The following SUGCT variants were observed in gnomAD, a reference collection of about 807,000 sequenced individuals.
SUGCT encodes the protein succinyl-CoA:glutarate-CoA transferase.
SUGCT carries 41 observed loss-of-function variants against 55.0 expected under a neutral mutation model. That is an observed-to-expected ratio of 0.74 (90% CI 0.58 to 0.97). SUGCT has a LOEUF of 0.97. Ranked by LOEUF, SUGCT falls within the 50% of genes least tolerant of loss-of-function variation. The pLI, the probability that SUGCT is intolerant of heterozygous loss-of-function variation, is 0.00. For missense variants in SUGCT, 568 were observed against 547.8 expected (o/e 1.04, Z -0.37); for synonymous variants, 187 against 200.4 (o/e 0.93, Z 0.56).
intron 1 of SUGCT, among the ~76,000 whole-genome samples, chr7:40,169,431 C>A (rs996079974): frequency 6.6e-6 from 1 of 152,142 alleles, no homozygotes; most frequent in Admixed American, 6.5e-5. Context: ...TCAAGCATAC[C>A]TGGGGCTCTG....
chr7:40,304,224 A>G (rs1357002135), intron 8 of SUGCT, among the ~76,000 whole-genome samples: 1 of 152,090 alleles, frequency 6.6e-6, no homozygotes, highest in Non-Finnish European at 1.5e-5. Flanking sequence ...ACTCCTATGG[A>G]AGGAACAGCC....
chr7:40,313,399 A>AT (rs1442366896), intron 8 of SUGCT, among the ~76,000 whole-genome samples: 8 of 152,266 alleles, frequency 5.3e-5, no homozygotes, highest in East Asian at 1.9e-4. Flanking sequence ...GAAACCTCTG[A>AT]TTTTTTTCAT....
chr7:40,731,782 ATAATAT>A (rs1786900867), intron 12 of SUGCT, among the ~76,000 whole-genome samples: 1 of 152,236 alleles, frequency 6.6e-6, no homozygotes, highest in Admixed American at 6.5e-5. Context: ...GATGAAAACA[ATAATAT>A]TTCTTTATGA....
chr7:40,354,998 G>A (rs1009402169), intron 9 of SUGCT, among the ~76,000 whole-genome samples: 2 of 151,706 alleles, frequency 1.3e-5, no homozygotes, highest in African/African-American at 2.4e-5. Flanking sequence ...CCTTTACCTC[G>A]TATTGGGAAA....
intron 3 of SUGCT, among the ~76,000 whole-genome samples, chr7:40,183,707 G>A (rs1482795977): frequency 6.6e-6 from 1 of 152,168 alleles, no homozygotes; most frequent in Non-Finnish European, 1.5e-5. Context: ...AAACGCCTAA[G>A]CTTAGATCAG....
rs1297213896 is a variant in SUGCT, at chr7:40,812,669, C to T, written c.1154-47647C>T. Reference sequence around the variant, plus strand: ...TGATCTTGTTTATCCTTTCAAAGAACCAACTTTGGATTTTACTAATTCTTT... The same window carrying T: ...TGATCTTGTTTATCCTTTCAAAGAATCAACTTTGGATTTTACTAATTCTTT... On this transcript the variant is annotated intron_variant, in intron 13 of 13. Transcript: ENST00000335693. Among the ~76,000 whole-genome samples, 3 of 152,006 alleles carry T rather than the reference C, an allele frequency of 2.0e-5. No individual in the cohort carries two copies. The East Asian group carries it at 5.8e-4, about 29-fold the overall frequency.
chr7:40,195,111 T>C (rs1786169810), intron 6 of SUGCT, 51 bp downstream of exon 6: 3 of 1,531,584 alleles, frequency 2.0e-6, no homozygotes, highest in African/African-American at 2.8e-5. Context: ...AGTTTCTGTG[T>C]TTTCTTATTG....
intron 12 of SUGCT, among the ~76,000 whole-genome samples, chr7:40,710,761 G>A (rs1429439806): frequency 1.3e-5 from 2 of 152,026 alleles, no homozygotes; most frequent in African/African-American, 4.8e-5. Context: ...TCAACCCCAG[G>A]GCTCATCAGA....
chr7:40,632,240 T>C (rs898087760), intron 12 of SUGCT, among the ~76,000 whole-genome samples: 9 of 152,200 alleles, frequency 5.9e-5, no homozygotes, highest in Non-Finnish European at 1.0e-4. Flanking sequence ...AGCATCATTC[T>C]GAAGCCTTGA....
chr7:40,854,998 A>G (rs1341674528), intron 13 of SUGCT, among the ~76,000 whole-genome samples: 1 of 149,746 alleles, frequency 6.7e-6, no homozygotes, highest in Non-Finnish European at 1.5e-5. Context: ...ACTAGTGAGG[A>G]GTTTGGTGCA....
At chr7:40,339,532 G>C (rs1345925198) in intron 9 of SUGCT, among the ~76,000 whole-genome samples, 1 of 152,174 alleles carries the variant, frequency 6.6e-6, no homozygotes, top group Non-Finnish European at 1.5e-5. Context: ...CATGGGCGTG[G>C]GACCCTCTGA....
At chr7:40,349,263 G>A (rs531106958) in intron 9 of SUGCT, among the ~76,000 whole-genome samples, 6 of 152,136 alleles carry the variant, frequency 3.9e-5, no homozygotes, top group Non-Finnish European at 5.9e-5. Flanking sequence ...GAGTGTGCAG[G>A]CTCATCAGGG....
At chr7:40,847,367 G>A (rs1283901263) in intron 13 of SUGCT, among the ~76,000 whole-genome samples, 1 of 151,208 alleles carries the variant, frequency 6.6e-6, no homozygotes, top group African/African-American at 2.4e-5. Flanking sequence ...CAACAATTGA[G>A]GGTTCTGTCC....
chr7:40,823,837 C>T (rs1171915895), intron 13 of SUGCT, among the ~76,000 whole-genome samples: 1 of 152,172 alleles, frequency 6.6e-6, no homozygotes, highest in African/African-American at 2.4e-5. Flanking sequence ...CCTGGCATCA[C>T]TCCTAGTCCC....
At chr7:40,729,541 T>G (rs1364375365) in intron 12 of SUGCT, among the ~76,000 whole-genome samples, 1 of 152,170 alleles carries the variant, frequency 6.6e-6, no homozygotes, top group Non-Finnish European at 1.5e-5. Context: ...ATATTAAAAA[T>G]CAAGGAGATT....
At chr7:40,746,424 A>T (rs989334702) in intron 12 of SUGCT, among the ~76,000 whole-genome samples, 1 of 152,204 alleles carries the variant, frequency 6.6e-6, no homozygotes, top group Non-Finnish European at 1.5e-5. Flanking sequence ...GCAACCAAGC[A>T]GGGGAATACA....
chr7:40,546,410 A>G (rs999813174), intron 12 of SUGCT, among the ~76,000 whole-genome samples: 1 of 152,186 alleles, frequency 6.6e-6, no homozygotes, highest in Non-Finnish European at 1.5e-5. Context: ...ATATGTTTGC[A>G]AAGTTAATAA....
At chr7:40,442,994 T>C (rs971305252) in intron 9 of SUGCT, among the ~76,000 whole-genome samples, 15 of 152,156 alleles carry the variant, frequency 9.9e-5, no homozygotes, top group African/African-American at 2.7e-4. Context: ...GTCCTTGTGA[T>C]AGTTTGCTCA....
chr7:40,650,757 A>C (rs2151838794), intron 12 of SUGCT, among the ~76,000 whole-genome samples: 1 of 152,266 alleles, frequency 6.6e-6, no homozygotes, highest in East Asian at 1.9e-4. Flanking sequence ...CAGGATGTGC[A>C]GGTTTGTTGC....
Sources: allele counts gnomAD v4.1 joint callset (sites outside exome capture counted in the v4.1 genomes callset), GRCh38; gene constraint gnomAD v4.1.1; transcripts MANE v1.5; gene names NCBI Gene and HGNC (gene_info 2026-07-23, HGNC 2026-07-21).